The following KIF5A variants were observed in gnomAD, a reference collection of about 807,000 sequenced individuals.
KIF5A encodes the protein kinesin heavy chain isoform 5A.
Under a neutral mutation model 141.3 loss-of-function variants are expected in KIF5A, and 35 were observed. That is an observed-to-expected ratio of 0.25 (90% confidence interval 0.19 to 0.33). KIF5A has a LOEUF of 0.33. Ranked by LOEUF, KIF5A falls within the 10% of genes least tolerant of loss-of-function variation. The pLI is 1.00. For synonymous variants in KIF5A, 448 were observed against 500.2 expected (o/e 0.90, Z 1.39); for missense variants, 861 against 1,314.3 (o/e 0.66, Z 5.33).
rs753434586 is a variant in KIF5A, at chr12:57,569,378, C to T, written c.942C>T (p.Thr314=). ...CATCCAGTTATAATGATGCAGAGACCAAGTCCACCCTGATGTTTGGGCAGC... is the reference window on the plus strand; with the variant it reads ...CATCCAGTTATAATGATGCAGAGACTAAGTCCACCCTGATGTTTGGGCAGC... ...CSPSSYNDAE[T]KSTLMFGQRA... is the part of the protein sequence containing the mutation. The change falls in exon 10 of 29, where the codon ACC becomes ACT. Residue 314 remains threonine, a synonymous_variant. Coordinates refer to ENST00000455537, the MANE Select transcript of KIF5A (RefSeq NM_004984.4). The T allele has an allele frequency of 1.9e-6, 3 of 1,614,024 alleles. No homozygotes were observed. Among genetic ancestry groups the T allele is most frequent in the Non-Finnish European group, 2.5e-6 (3 of 1,180,000 alleles).
chr12:57,569,921 G>T, intron 11 of KIF5A, 66 bp from the exon 12 acceptor site: 1 of 1,560,634 alleles, frequency 6.4e-7, no homozygotes, highest in Non-Finnish European at 8.7e-7. Flanking sequence ...TGGTGAGTGA[G>T]AAGGAAGAAC....
chr12:57,565,378 G>A (rs374416082), intron 6 of KIF5A, among the ~76,000 whole-genome samples: 12 of 152,112 alleles, frequency 7.9e-5, no homozygotes, highest in Middle Eastern at 3.4e-3. Context: ...CCGAGATTGC[G>A]CCACTGCACT....
At chr12:57,556,815 T>C (rs1314659657) in intron 1 of KIF5A, among the ~76,000 whole-genome samples, 1 of 152,104 alleles carries the variant, frequency 6.6e-6, no homozygotes, top group Non-Finnish European at 1.5e-5. Flanking sequence ...AAAGCCAGTC[T>C]CATCTTTTCA....
At position 57,577,789 on chromosome 12, in the gene KIF5A, C is replaced by A. The variant is rs1031343176; in HGVS notation, c.2361+16C>A. The A allele has an allele frequency of 6.2e-7, 1 of 1,607,288 alleles. No homozygotes were observed. Among genetic ancestry groups the A allele is most frequent in the Admixed American group, 1.7e-5 (1 of 59,980 alleles). ...GGAGACAGTTGTGAGTGGTTCCCTT[C>A]TGTGCCAAATTCACAGGACTGGGGA... On this transcript the variant is annotated intron_variant, in intron 21 of 28. Transcript: ENST00000455537.
At chr12:57,569,142 G>A in intron 9 of KIF5A, 75 bp downstream of exon 9, 1 of 1,550,082 alleles carries the variant, frequency 6.5e-7, no homozygotes, top group Non-Finnish European at 8.9e-7. Flanking sequence ...GCCACCATAT[G>A]ATCATGCCCC....
chr12:57,586,622 A>G lies in KIF5A; in HGVS notation c.*2441A>G, dbSNP rs974810436. The G allele has an allele frequency of 1.3e-5, 2 of 152,168 alleles. No individual in the cohort carries two copies. The highest frequency in any genetic ancestry group is 2.9e-5 in the Non-Finnish European group (2 of 68,022). The allele number at this position is 152,168 out of a possible 1,614,324, so 9.4% of individuals were successfully genotyped here. Reference sequence around the variant, plus strand: ...ATAACTTTAAAATAAAATAAATTCAATGATAACTCTATGTTGTTGTAAATA... The same window carrying G: ...ATAACTTTAAAATAAAATAAATTCAGTGATAACTCTATGTTGTTGTAAATA... On this transcript the variant is annotated 3_prime_UTR_variant, in exon 29 of 29. Coordinates refer to ENST00000455537, the MANE Select transcript of KIF5A (RefSeq NM_004984.4).
chr12:57,571,532 G>A, intron 13 of KIF5A, 143 bp downstream of exon 13: 1 of 756,204 alleles, frequency 1.3e-6, no homozygotes, highest in Middle Eastern at 3.7e-4. Context: ...AGAAGTCTGG[G>A]AACCTCACTG....
intron 23 of KIF5A, among the ~76,000 whole-genome samples, chr12:57,579,897 CA>C (rs1565704087): frequency 6.6e-6 from 1 of 151,582 alleles, no homozygotes; most frequent in Non-Finnish European, 1.5e-5. Context: ...TTCAAAGTCC[CA>C]AAAAAACAAA....
intron 1 of KIF5A, among the ~76,000 whole-genome samples, chr12:57,560,167 C>T (rs1665420387): frequency 6.6e-6 from 1 of 152,230 alleles, no homozygotes; most frequent in African/African-American, 2.4e-5. Context: ...GCTGAGATTA[C>T]AGGCGTGAGC....
intron 20 of KIF5A, 40 bp downstream of exon 20, chr12:57,576,902 A>G (rs763799908): frequency 1.4e-6 from 2 of 1,474,150 alleles, no homozygotes; most frequent in African/African-American, 1.4e-5. Context: ...ACAGCCTTGT[A>G]GGCTCAGAAC....
chr12:57,583,359 C>A, intron 28 of KIF5A, 144 bp downstream of exon 28: 1 of 639,904 alleles, frequency 1.6e-6, no homozygotes, highest in Non-Finnish European at 2.8e-6. Context: ...TCCTGCTTTC[C>A]CCTGTTGGGG....
rs759690535 is a variant in KIF5A at position 57,576,347 on chromosome 12, G to C, written c.2167G>C (p.Glu723Gln). 6.2e-6 allele frequency: 10 copies of C among 1,613,980 alleles called. No homozygotes were observed. In the South Asian group the frequency reaches 9.9e-5, roughly 16 times the overall value. ...GGCCCGGCTCCGGGACGAGATCAAC[G>C]AGAAGCAGAAGACCATTGATGAGCT... ...QLARLRDEIN[E>Q]KQKTIDELKD... Residue 723 changes from glutamate to glutamine, a missense_variant, in exon 19 of 29, where the codon GAG (glutamate) becomes CAG (glutamine). Transcript: ENST00000455537.
At chr12:57,558,533 G>A (rs964243748) in intron 1 of KIF5A, among the ~76,000 whole-genome samples, 1 of 152,222 alleles carries the variant, frequency 6.6e-6, no homozygotes, top group Admixed American at 6.5e-5. Context: ...AATTAGCCGG[G>A]TGTGGTGGCG....
At chr12:57,565,413 C>A (rs1420253638) in intron 6 of KIF5A, among the ~76,000 whole-genome samples, 1 of 151,374 alleles carries the variant, frequency 6.6e-6, no homozygotes, top group Non-Finnish European at 1.5e-5. Context: ...AGAGTGAGAA[C>A]CTGTCTTTAA....
chr12:57,552,170 CT>C (rs1881597374), intron 1 of KIF5A, among the ~76,000 whole-genome samples: 1 of 152,100 alleles, frequency 6.6e-6, no homozygotes. Flanking sequence ...GGGGGCAAAA[CT>C]TTTAGGCCCA....
chr12:57,569,876 T>C, intron 11 of KIF5A, 111 bp from the exon 12 acceptor site: 1 of 1,420,820 alleles, frequency 7.0e-7, no homozygotes, highest in South Asian at 1.4e-5. Context: ...TCCCAAAAGG[T>C]AGAGGGTCCA....
intron 1 of KIF5A, among the ~76,000 whole-genome samples, chr12:57,558,093 AC>A (rs1461831248): frequency 8.5e-5 from 13 of 152,210 alleles, no homozygotes; most frequent in Non-Finnish European, 1.5e-4. Context: ...AGCGTATTAT[AC>A]ATCCATTCTG....
At chr12:57,555,495 G>C (rs1881702929) in intron 1 of KIF5A, among the ~76,000 whole-genome samples, 1 of 152,192 alleles carries the variant, frequency 6.6e-6, no homozygotes, top group South Asian at 2.1e-4. Context: ...GGAGGCTGAT[G>C]CAGGAGAATT....
chr12:57,551,704 A>G (rs777121245), intron 1 of KIF5A, among the ~76,000 whole-genome samples: 6 of 152,162 alleles, frequency 3.9e-5, no homozygotes, highest in Non-Finnish European at 7.3e-5. Flanking sequence ...CAGGCTTGTT[A>G]AAGGAATGAA....
Sources: gnomAD v4.1 joint callset for allele counts (sites outside exome capture counted in the v4.1 genomes callset) on GRCh38, gnomAD v4.1.1 for gene constraint, MANE v1.5 for transcripts, NCBI Gene and HGNC (gene_info 2026-07-23, HGNC 2026-07-21) for gene names.